DCTN1: variants seen among roughly 807,000 people sequenced by gnomAD.
DCTN1 encodes 150 kDa dynein-associated polypeptide.
Under a neutral mutation model 161.2 loss-of-function variants are expected in DCTN1, and 61 were observed. The observed-to-expected ratio is 0.38, with a 90% CI of 0.31 to 0.47. The LOEUF is 0.47. Among genes scored for constraint, DCTN1 ranks in the 20% least tolerant of loss-of-function variants. The probability of loss-of-function intolerance (pLI) is 0.99; values close to 1 mark genes in which losing one functional copy is unlikely to be tolerated. For missense variants in DCTN1, 1,404 were observed against 1,623.7 expected, an observed-to-expected ratio of 0.86 and a Z score of 2.33; for synonymous variants, 653 against 632.4, an observed-to-expected ratio of 1.03 and a Z score of -0.49.
chr2:74,369,402 C>T lies in DCTN1; in HGVS notation c.1482G>A (p.Ala494=), dbSNP rs372546194. Residue 494 remains alanine (A), a synonymous_variant, in exon 14 of 32, where the codon GCG becomes GCA. Transcript: ENST00000628224. The surrounding 1 kb of genome is among the most constrained non-coding windows in gnomAD (Gnocchi z 4.9). ...CACGCTTCTGGGCCTCACGAACCCG[C>T]GCGCCTGCCATGTCCAGCTGCTCCC... ...ELREQLDMAG[A]RVREAQKRVE... is the part of the protein sequence containing the mutation. 6.0e-5 allele frequency: 97 copies of T among 1,614,092 alleles called. No individual in the cohort carries two copies. The highest frequency in any genetic ancestry group is 5.9e-4 in the South Asian group (54 of 91,086).
In DCTN1 at chr2:74,369,516, G is replaced by C; in HGVS notation, c.1393-25C>G. 1 of 1,608,784 alleles carries C rather than the reference G, an allele frequency of 6.2e-7. No individual in the cohort carries two copies. Among genetic ancestry groups the C allele is most frequent in the Non-Finnish European group, 8.5e-7 (1 of 1,179,820 alleles). ...CCTAGGACACCACACCATAGTTTGGGCTAAAGAAAGGCAGGGTCGGCCAGC... is the reference window on the plus strand; with the variant it reads ...CCTAGGACACCACACCATAGTTTGGCCTAAAGAAAGGCAGGGTCGGCCAGC... On this transcript the variant is annotated intron_variant, in intron 13 of 31. Coordinates refer to ENST00000628224, the MANE Select transcript of DCTN1 (RefSeq NM_004082.5). This position sits in a 1 kb window ranked among gnomAD's most constrained non-coding sequence, Gnocchi z 4.9.
At chr2:74,381,998 C>A (rs1036103276), upstream of DCTN1, among the ~76,000 whole-genome samples, 7 of 152,274 alleles carry the variant, frequency 4.6e-5, no homozygotes, top group African/African-American at 1.7e-4. Context: ...TCCCTGAAGA[C>A]ACACAGACTG....
chr2:74,377,329 A>G, intron 4 of DCTN1, 103 bp downstream of exon 4: 1 of 1,032,086 alleles, frequency 9.7e-7, no homozygotes, highest in Non-Finnish European at 1.5e-6. Flanking sequence ...TAGAAGGCAA[A>G]TCAGACTCAC....
Position 74,371,033 on chromosome 2 carries a change from G to T in DCTN1, c.789C>A (p.Ser263Arg). Residue 263 changes from serine to arginine, a missense_variant, in exon 9 of 32, where the codon AGC (serine) becomes AGA (arginine). Ser to Arg is a moderately radical substitution (Grantham distance 110). Coordinates refer to ENST00000628224, the MANE Select transcript of DCTN1 (RefSeq NM_004082.5). The stretch of plus-strand genomic sequence containing the variant: ...GGTCGGCCTGCTGCTCCTGCATTTT[G>T]CTCTTCCATTCCTGCACCTGCTCCA... Reference protein sequence around the residue: ...IQLEQVQEWKSKMQEQQADLQ... With the variant: ...IQLEQVQEWKRKMQEQQADLQ... 1 of 1,614,176 alleles carries T rather than the reference G, an allele frequency of 6.2e-7. No homozygotes were observed.
rs375329332 is a variant in DCTN1 at position 74,390,543 on chromosome 2, C to G, written c.-19+1251G>C. 1.8e-4 allele frequency: 73 copies of G among 404,254 alleles called. 5 individuals are homozygous for G. The highest frequency in any genetic ancestry group is 1.1e-3 in the East Asian group (15 of 13,580). 25.0% of individuals were successfully genotyped at this position (404,254 alleles called of 1,614,324 possible). A position where few individuals can be genotyped will look rare whatever the true frequency, so the allele number is the denominator to read the frequency against. On this transcript the variant is annotated intron_variant, in intron 1 of 27. Transcript: ENST00000409240. ...CGACTAGACTCACAGAATTTTAAATCTGAAAGAAATATTTGAGATCTTGTA... is the reference window on the plus strand; with the variant it reads ...CGACTAGACTCACAGAATTTTAAATGTGAAAGAAATATTTGAGATCTTGTA...
intron 1 of DCTN1, among the ~76,000 whole-genome samples, chr2:74,379,251 G>A (rs1329898283): frequency 6.6e-6 from 1 of 152,086 alleles, no homozygotes; most frequent in Non-Finnish European, 1.5e-5. Flanking sequence ...CAGGGGCCTT[G>A]CAGCAAACAG....
At chr2:74,374,774 GCTC>G in intron 5 of DCTN1, 6 of 1,108,252 alleles carry the variant, frequency 5.4e-6, no homozygotes, top group Non-Finnish European at 6.7e-6. Flanking sequence ...GGCTTTGCTG[GCTC>G]CTCCTCCTCA....
At position 74,366,411 on chromosome 2, in the gene DCTN1, C is replaced by G. The variant is rs72659380; in HGVS notation, c.2629-36G>C. On this transcript the variant is annotated intron_variant, in intron 22 of 31. Coordinates refer to ENST00000628224, the MANE Select transcript of DCTN1 (RefSeq NM_004082.5). ...CAAGGGCAGAAGTAAAAGCCCCACA[C>G]TGGTCACTAACTCTCCCCACACCTT... The G allele has an allele frequency of 1.3e-3, 2,146 of 1,614,216 alleles. 4 individuals carry two copies. Among genetic ancestry groups the G allele is most frequent in the Non-Finnish European group, 1.6e-3 (1,836 of 1,180,036 alleles).
At chr2:74,390,025 T>G (rs1352250869) in intron 1 of DCTN1, among the ~76,000 whole-genome samples, 10 of 152,146 alleles carry the variant, frequency 6.6e-5, no homozygotes, top group African/African-American at 1.9e-4. Flanking sequence ...CTTACTATAA[T>G]CAAACAATCC....
At chr2:74,365,851 C>A (rs1442715692) in intron 24 of DCTN1, 42 bp downstream of exon 24, 2 of 1,613,960 alleles carry the variant, frequency 1.2e-6, no homozygotes, top group Non-Finnish European at 1.7e-6. Context: ...TGAGTCCTAC[C>A]AATTTCCTGG....
intron 1 of DCTN1, 74 bp from the exon 2 acceptor site, chr2:74,378,319 C>T: frequency 1.3e-6 from 2 of 1,577,748 alleles, no homozygotes; most frequent in Non-Finnish European, 1.7e-6. Flanking sequence ...TAAGAAATGC[C>T]TCAGCCAAGA....
chr2:74,363,440 T>TA lies in DCTN1; in HGVS notation c.3212-14dup, dbSNP rs754183694. 16 of 1,611,388 alleles carry TA rather than the reference T, an allele frequency of 9.9e-6. No individual in the cohort carries two copies. Among genetic ancestry groups the TA allele is most frequent in the Admixed American group, 5.0e-5 (3 of 59,876 alleles). ...CCAGGGATGGCTCCTGTGGGGACCA[T>TA]AAAAAATCTCATCAGCCCCAAGTGG... On this transcript the variant is annotated splice_polypyrimidine_tract_variant and intron_variant, in intron 27 of 31. Coordinates refer to ENST00000628224, the MANE Select transcript of DCTN1 (RefSeq NM_004082.5).
At chr2:74,385,041 G>C (rs1461162273), upstream of DCTN1, 1 of 152,142 alleles carries the variant, frequency 6.6e-6, no homozygotes, top group Non-Finnish European at 1.5e-5. Flanking sequence ...TTTGTTCCTA[G>C]GTCCTACTCA....
chr2:74,383,418 A>C (rs1675599080), upstream of DCTN1, among the ~76,000 whole-genome samples: 1 of 152,258 alleles, frequency 6.6e-6, no homozygotes, highest in South Asian at 2.1e-4. Flanking sequence ...AACATCAGGC[A>C]GACAGAGAAG....
At chr2:74,367,595 C>T (rs1001895001) in intron 18 of DCTN1, 101 bp downstream of exon 18, 3 of 1,574,268 alleles carry the variant, frequency 1.9e-6, no homozygotes, top group Non-Finnish European at 2.6e-6. Flanking sequence ...AGGCCTCAAG[C>T]AGCAAGCATG....
intron 26 of DCTN1, 48 bp from the exon 27 acceptor site, chr2:74,363,676 G>T (rs757622322): frequency 1.9e-6 from 3 of 1,611,860 alleles, no homozygotes; most frequent in Non-Finnish European, 2.5e-6. Context: ...GGAGAGAGGA[G>T]TTAGGTGATT....
In DCTN1 at chr2:74,377,477, C is replaced by G. The variant is rs773541880; in HGVS notation, c.359-11G>C. 6.2e-7 allele frequency: 1 copy of G among 1,611,782 alleles called. No individual in the cohort carries two copies. The highest frequency in any genetic ancestry group is 8.5e-7 in the Non-Finnish European group (1 of 1,177,904). ...TTGTATCAGTTCCCTCTGTAGAAAG[C>G]AAACAGAAACAAAGTGTGTACTTGT... On this transcript the variant is annotated splice_polypyrimidine_tract_variant and intron_variant, in intron 3 of 31. Transcript: ENST00000628224.
intron 18 of DCTN1, 123 bp downstream of exon 18, chr2:74,367,573 T>C: frequency 6.6e-7 from 1 of 1,524,946 alleles, no homozygotes; most frequent in Admixed American, 1.8e-5. Flanking sequence ...AGAGTTCATC[T>C]AAGAGCAAAC....
At chr2:74,371,926 G>C (rs1674891748) in intron 7 of DCTN1, 198 bp from the exon 8 acceptor site, 1 of 584,946 alleles carries the variant, frequency 1.7e-6, no homozygotes, top group African/African-American at 1.9e-5. Flanking sequence ...GAGAGATAGT[G>C]ACAAAGGACA....
Sources: allele counts gnomAD v4.1 joint callset (sites outside exome capture counted in the v4.1 genomes callset), GRCh38; gene constraint gnomAD v4.1.1; non-coding constraint Gnocchi (gnomAD v3.1); transcripts MANE v1.5; gene names NCBI Gene and HGNC (gene_info 2026-07-23, HGNC 2026-07-21).